Variants in DDX46 observed in about 807,000 individuals in gnomAD.
The protein encoded by DDX46 is probable ATP-dependent RNA helicase DDX46.
A neutral mutation model predicts 134.9 loss-of-function variants in DDX46; 30 were observed. That is an observed-to-expected ratio of 0.22 (90% CI 0.17 to 0.30). The LOEUF is 0.30. DDX46 is among the 10% of genes least tolerant of loss of function. The pLI is 1.00. For synonymous variants in DDX46, 415 were observed against 404.1 expected (o/e 1.03, Z -0.32); for missense variants, 622 against 1,248.7 (o/e 0.50, Z 7.56).
At chr5:134,790,346 ACC>A (rs1222760299) in intron 12 of DDX46, 122 bp from the exon 13 acceptor site, 1 of 764,166 alleles carries the variant, frequency 1.3e-6, no homozygotes, top group Non-Finnish European at 2.1e-6. Flanking sequence ...TACCTAACTT[ACC>A]CCTCTGGTTA....
chr5:134,802,253 C>G (rs1182906837), intron 15 of DDX46, among the ~76,000 whole-genome samples: 2 of 150,078 alleles, frequency 1.3e-5, no homozygotes, highest in Admixed American at 1.3e-4. Context: ...CAACCTCCGC[C>G]TCCCAGGTTC....
intron 20 of DDX46, 55 bp downstream of exon 20, chr5:134,817,769 G>A: frequency 2.1e-6 from 3 of 1,455,892 alleles, no homozygotes; most frequent in Non-Finnish European, 2.8e-6. Context: ...CTTCTTTGGA[G>A]GAAAAATCTC....
chr5:134,760,111 G>A (rs2150126215), intron 1 of DDX46, among the ~76,000 whole-genome samples: 1 of 152,280 alleles, frequency 6.6e-6, no homozygotes, highest in South Asian at 2.1e-4. Context: ...TTACACTACA[G>A]CCAGAGTGAC....
intron 5 of DDX46, among the ~76,000 whole-genome samples, chr5:134,775,474 T>G (rs1268286100): frequency 1.3e-5 from 2 of 151,968 alleles, no homozygotes; most frequent in African/African-American, 4.8e-5. Flanking sequence ...TGCAGTGCCG[T>G]GATCTCGGCT....
intron 6 of DDX46, among the ~76,000 whole-genome samples, chr5:134,778,091 T>G (rs1016709587): frequency 6.6e-6 from 1 of 151,608 alleles, no homozygotes; most frequent in African/African-American, 2.4e-5. Flanking sequence ...TGATCTTGGC[T>G]TACTGCATCC....
intron 6 of DDX46, among the ~76,000 whole-genome samples, chr5:134,778,677 G>A (rs1306905800): frequency 2.0e-5 from 3 of 151,990 alleles, no homozygotes; most frequent in Non-Finnish European, 2.9e-5. Context: ...AAGTTCAAGC[G>A]ATTCTCCTGC....
intron 20 of DDX46, among the ~76,000 whole-genome samples, chr5:134,818,053 G>C (rs1178038312): frequency 1.3e-5 from 2 of 151,344 alleles, no homozygotes; most frequent in African/African-American, 2.4e-5. Flanking sequence ...GGGTTCAAGC[G>C]ATTCTCCTCC....
chr5:134,826,102 G>A (rs1376318174), intron 21 of DDX46: 1 of 152,164 alleles, frequency 6.6e-6, no homozygotes, highest in African/African-American at 2.4e-5. Context: ...ACACTTAACT[G>A]TGCCTTTCAG....
At chr5:134,778,926 C>G (rs550530950) in intron 6 of DDX46, among the ~76,000 whole-genome samples, 1 of 151,610 alleles carries the variant, frequency 6.6e-6, no homozygotes, top group Non-Finnish European at 1.5e-5. Context: ...GATGGAGTGT[C>G]GCCTTTGTTG....
In DDX46 at chr5:134,758,967, C is replaced by T. The variant is rs1326600299; in HGVS notation, c.17+12C>T. The T allele has an allele frequency of 6.2e-7, 1 of 1,610,996 alleles. No homozygotes were observed. Among genetic ancestry groups the T allele is most frequent in the Admixed American group, 1.7e-5 (1 of 59,986 alleles). On this transcript the variant is annotated intron_variant, in intron 1 of 22. Transcript: ENST00000452510. ...GGTCGGGAGTCACGGTGAGGCAGAG[C>T]GCCGAGCGGGCTAGCGGGCGAGCGG...
At chr5:134,777,912 A>C in intron 6 of DDX46, 187 bp downstream of exon 6, 1 of 577,302 alleles carries the variant, frequency 1.7e-6, no homozygotes, top group Non-Finnish European at 2.8e-6. Context: ...GTGTTCTTTC[A>C]AAAGTCACTC....
chr5:134,772,647 G>C (rs1462684669), intron 4 of DDX46, among the ~76,000 whole-genome samples: 1 of 152,176 alleles, frequency 6.6e-6, no homozygotes, highest in African/African-American at 2.4e-5. Context: ...GGGATTACAG[G>C]TGCATGCCAC....
chr5:134,764,930 T>C (rs138940177), intron 2 of DDX46, among the ~76,000 whole-genome samples: 17 of 152,058 alleles, frequency 1.1e-4, no homozygotes, highest in Non-Finnish European at 2.4e-4. Flanking sequence ...TTTCTTCATT[T>C]TGCTAAACAG....
intron 22 of DDX46, among the ~76,000 whole-genome samples, chr5:134,828,258 G>T (rs1225885481): frequency 6.6e-6 from 1 of 151,870 alleles, no homozygotes; most frequent in African/African-American, 2.4e-5. Flanking sequence ...TTGTTGGGGG[G>T]TGGGGGTGGT....
At chr5:134,795,100 G>C (rs1754610520) in intron 14 of DDX46, 86 bp downstream of exon 14, 1 of 1,501,232 alleles carries the variant, frequency 6.7e-7, no homozygotes, top group South Asian at 1.3e-5. Flanking sequence ...TTGTGAGGTA[G>C]GCAAGGTAAT....
chr5:134,830,318 T>C lies in DDX46; in HGVS notation c.*1612T>C, dbSNP rs1278411001. The C allele has an allele frequency of 6.6e-6, 1 of 152,174 alleles. No individual in the cohort carries two copies. The highest frequency in any genetic ancestry group is 1.9e-4 in the East Asian group (1 of 5,198). 9.4% of individuals were successfully genotyped at this position (152,174 alleles called of 1,614,324 possible). A position where few individuals can be genotyped will look rare whatever the true frequency, so the allele number is the denominator to read the frequency against. On this transcript the variant is annotated 3_prime_UTR_variant, in exon 23 of 23. Coordinates refer to ENST00000452510, the MANE Select transcript of DDX46 (RefSeq NM_001300860.2). ...CAGGCGGTTAAAGTATACAGGAGGATGTGCATCGGTTATATGCATATAGCA... is the reference window on the plus strand; with the variant it reads ...CAGGCGGTTAAAGTATACAGGAGGACGTGCATCGGTTATATGCATATAGCA...
chr5:134,826,565 C>G (rs1403540540), intron 21 of DDX46: 1 of 156,404 alleles, frequency 6.4e-6, no homozygotes, highest in Admixed American at 6.5e-5. Context: ...TTGTAGACTT[C>G]AGTGAACATC....
chr5:134,781,650 G>C, intron 7 of DDX46, among the ~76,000 whole-genome samples: 1 of 151,460 alleles, frequency 6.6e-6, no homozygotes, highest in African/African-American at 2.4e-5. Context: ...TAAAGGCAAA[G>C]AAAAAAAAAC....
chr5:134,811,610 C>T (rs1419728949), intron 17 of DDX46, 86 bp from the exon 18 acceptor site: 6 of 1,415,840 alleles, frequency 4.2e-6, no homozygotes, highest in Non-Finnish European at 5.7e-6. Context: ...TTGACATACA[C>T]CACCTTGAAA....
Sources: gnomAD v4.1 joint callset for allele counts (sites outside exome capture counted in the v4.1 genomes callset) on GRCh38, gnomAD v4.1.1 for gene constraint, MANE v1.5 for transcripts, NCBI Gene and HGNC (gene_info 2026-07-23, HGNC 2026-07-21) for gene names.